FSHR: variants seen among roughly 807,000 people sequenced by gnomAD.
FSHR encodes follicle-stimulating hormone receptor.
Under a neutral mutation model 52.1 loss-of-function variants are expected in FSHR, and 46 were observed. The ratio of observed to expected loss-of-function variants is 0.88; its 90% CI spans 0.70 to 1.13. The LOEUF (loss-of-function observed/expected upper bound fraction) is 1.13, where lower values mean the gene tolerates loss of function less well. Ranked by LOEUF, FSHR falls within the 50% of genes most tolerant of loss-of-function variation. The probability of loss-of-function intolerance (pLI) is 0.00; values close to 1 mark genes in which losing one functional copy is unlikely to be tolerated. For missense variants in FSHR, 964 were observed against 834.6 expected (o/e 1.16, Z -1.91); for synonymous variants, 399 against 309.6 (o/e 1.29, Z -3.03).
At chr2:49,119,711 T>C (rs1392089291) in intron 1 of FSHR, among the ~76,000 whole-genome samples, 3 of 152,128 alleles carry the variant, frequency 2.0e-5, no homozygotes, top group Non-Finnish European at 4.4e-5. Flanking sequence ...GCAGTGGTTA[T>C]GATTGCAATT....
chr2:49,042,409 C>T (rs1043712619), intron 2 of FSHR, among the ~76,000 whole-genome samples: 12 of 152,190 alleles, frequency 7.9e-5, no homozygotes, highest in African/African-American at 2.2e-4. Flanking sequence ...AGAAACACAA[C>T]ATCCTAAAAA....
intron 1 of FSHR, among the ~76,000 whole-genome samples, chr2:49,130,349 T>C (rs1051427477): frequency 2.0e-5 from 3 of 152,170 alleles, no homozygotes; most frequent in Non-Finnish European, 4.4e-5. Flanking sequence ...CTGGGGTAAA[T>C]CGCTTAATCT....
intron 2 of FSHR, among the ~76,000 whole-genome samples, chr2:49,045,090 G>GT (rs200037925): frequency 1.2e-4 from 19 of 152,116 alleles, no homozygotes; most frequent in African/African-American, 2.6e-4. Context: ...TATGAAAAGT[G>GT]TTTTTTTTCC....
At chr2:49,075,259 G>C (rs914647653) in intron 1 of FSHR, among the ~76,000 whole-genome samples, 2 of 152,062 alleles carry the variant, frequency 1.3e-5, no homozygotes, top group Non-Finnish European at 1.5e-5. Flanking sequence ...TGATCACTCT[G>C]TTCTGATGCA....
At chr2:49,002,470 C>T (rs75564608) in intron 4 of FSHR, among the ~76,000 whole-genome samples, 1,651 of 152,192 alleles carry the variant, frequency 0.011, 25 homozygotes, top group African/African-American at 0.036. Flanking sequence ...TTAATTGACA[C>T]GCAGTTCCTC....
intron 3 of FSHR, among the ~76,000 whole-genome samples, chr2:49,017,826 G>A (rs891139680): frequency 1.1e-4 from 16 of 152,050 alleles, no homozygotes; most frequent in African/African-American, 3.6e-4. Context: ...TCCGCTGGAG[G>A]CAAACAGAGC....
At chr2:49,095,677 C>A (rs777015762) in intron 1 of FSHR, among the ~76,000 whole-genome samples, 1 of 151,884 alleles carries the variant, frequency 6.6e-6, no homozygotes, top group Non-Finnish European at 1.5e-5. Flanking sequence ...ACCAAGAAAG[C>A]AAAAAGACAA....
At chr2:49,146,738 T>C (rs897749507) in intron 1 of FSHR, among the ~76,000 whole-genome samples, 1 of 152,076 alleles carries the variant, frequency 6.6e-6, no homozygotes, top group African/African-American at 2.4e-5. Flanking sequence ...CATCTCAGCG[T>C]CATTTTACAT....
intron 2 of FSHR, among the ~76,000 whole-genome samples, chr2:49,039,237 T>C (rs986002345): frequency 6.6e-6 from 1 of 152,216 alleles, no homozygotes; most frequent in African/African-American, 2.4e-5. Context: ...TTACATCTTT[T>C]GTTTTCTGGT....
chr2:49,146,766 A>G (rs1030732464), intron 1 of FSHR, among the ~76,000 whole-genome samples: 1 of 152,088 alleles, frequency 6.6e-6, no homozygotes, highest in Non-Finnish European at 1.5e-5. Flanking sequence ...TCAGCAATCT[A>G]CTGATGAGTT....
intron 4 of FSHR, among the ~76,000 whole-genome samples, chr2:48,990,967 C>G (rs1675746875): frequency 6.6e-6 from 1 of 151,830 alleles, no homozygotes; most frequent in Non-Finnish European, 1.5e-5. Flanking sequence ...CTTAAAATTT[C>G]CCCTATTTCC....
chr2:48,967,018 G>A (rs1674504863), intron 9 of FSHR, among the ~76,000 whole-genome samples: 1 of 152,162 alleles, frequency 6.6e-6, no homozygotes, highest in South Asian at 2.1e-4. Context: ...TGAGTAACAC[G>A]ATGAGACAAC....
intron 1 of FSHR, among the ~76,000 whole-genome samples, chr2:49,105,373 T>A (rs1371127330): frequency 6.6e-6 from 1 of 152,084 alleles, no homozygotes; most frequent in Non-Finnish European, 1.5e-5. Flanking sequence ...CAGTTTCTCC[T>A]GAGCCTGGAT....
At chr2:49,140,251 G>A (rs1395562623) in intron 1 of FSHR, among the ~76,000 whole-genome samples, 1 of 152,162 alleles carries the variant, frequency 6.6e-6, no homozygotes, top group African/African-American at 2.4e-5. Flanking sequence ...TGATAAGTGA[G>A]CTGTTGGCTT....
chr2:49,110,968 A>T (rs1194091033), intron 1 of FSHR, among the ~76,000 whole-genome samples: 3 of 152,186 alleles, frequency 2.0e-5, no homozygotes, highest in African/African-American at 7.2e-5. Context: ...AGTGGTTAAT[A>T]AGGTTCTTCA....
At chr2:49,027,938 A>T (rs1339647035) in intron 2 of FSHR, among the ~76,000 whole-genome samples, 1 of 151,786 alleles carries the variant, frequency 6.6e-6, no homozygotes, top group Non-Finnish European at 1.5e-5. Flanking sequence ...TAGAAAAGGT[A>T]GTCAATTTCT....
At chr2:49,055,956 C>T (rs1669047398) in intron 2 of FSHR, among the ~76,000 whole-genome samples, 1 of 151,974 alleles carries the variant, frequency 6.6e-6, no homozygotes, top group Non-Finnish European at 1.5e-5. Context: ...ATCATGACAA[C>T]ATGCAAAACT....
chr2:49,046,097 T>A (rs905664), intron 2 of FSHR, among the ~76,000 whole-genome samples: 70 of 152,286 alleles, frequency 4.6e-4, no homozygotes, highest in Admixed American at 1.4e-3. Flanking sequence ...TCCTCACCTG[T>A]GAGGTAGGAA....
intron 1 of FSHR, among the ~76,000 whole-genome samples, chr2:49,086,048 G>A (rs947477820): frequency 4.6e-5 from 7 of 152,016 alleles, no homozygotes; most frequent in Non-Finnish European, 7.4e-5. Flanking sequence ...CACCAACATG[G>A]CACATGTATA....
Sources: gnomAD v4.1 joint callset for allele counts (sites outside exome capture counted in the v4.1 genomes callset) on GRCh38, gnomAD v4.1.1 for gene constraint, MANE v1.5 for transcripts, NCBI Gene and HGNC (gene_info 2026-07-23, HGNC 2026-07-21) for gene names.